Variants in PDE11A observed in about 807,000 individuals in gnomAD.
PDE11A encodes phosphodiesterase 11A.
In PDE11A, 100 loss-of-function variants were observed where a neutral mutation model predicts 100.5. The ratio of observed to expected loss-of-function variants is 1.00; its 90% CI spans 0.85 to 1.18. The LOEUF (loss-of-function observed/expected upper bound fraction) is 1.18, where lower values mean the gene tolerates loss of function less well. PDE11A is among the 50% of genes most tolerant of loss of function. The pLI, the probability that PDE11A is intolerant of heterozygous loss-of-function variation, is 0.00. For missense variants in PDE11A, 1,141 were observed against 1,152.6 expected (o/e 0.99, Z 0.15); for synonymous variants, 381 against 420.8 (o/e 0.91, Z 1.16).
chr2:177,754,631 T>C (rs144829111), intron 10 of PDE11A, among the ~76,000 whole-genome samples: 95 of 152,358 alleles, frequency 6.2e-4, no homozygotes, highest in African/African-American at 2.1e-3. Flanking sequence ...GCAGGCACAG[T>C]ATGCGGTCAG....
chr2:178,072,844 G>C, upstream of PDE11A: 8 of 1,175,390 alleles, frequency 6.8e-6, no homozygotes, highest in Non-Finnish European at 8.5e-6. Flanking sequence ...ACGGAGCCTG[G>C]AGGGAGGAGA....
At chr2:177,795,935 C>CTTTATATA (rs2082699736) in intron 9 of PDE11A, among the ~76,000 whole-genome samples, 1 of 67,244 alleles carries the variant, frequency 1.5e-5, no homozygotes, top group Non-Finnish European at 3.6e-5. Context: ...TTTGTTTAAA[C>CTTTATATA]TATATATATA....
At chr2:177,853,457 C>T (rs1031427980) in intron 5 of PDE11A, among the ~76,000 whole-genome samples, 4 of 150,948 alleles carry the variant, frequency 2.6e-5, no homozygotes, top group African/African-American at 9.8e-5. Flanking sequence ...GCATCATTAT[C>T]AGATTTGGAG....
intron 10 of PDE11A, among the ~76,000 whole-genome samples, chr2:177,742,103 C>T (rs1414590239): frequency 6.6e-6 from 1 of 151,828 alleles, no homozygotes; most frequent in African/African-American, 2.4e-5. Context: ...TATCAGGCTG[C>T]ACAGTCTGCC....
intron 9 of PDE11A, among the ~76,000 whole-genome samples, chr2:177,784,085 A>G (rs948312307): frequency 1.8e-4 from 27 of 151,920 alleles, no homozygotes; most frequent in African/African-American, 5.8e-4. Flanking sequence ...AAGCAGTTAC[A>G]GAAGATGAAA....
chr2:177,961,030 C>G (rs1294074135), intron 2 of PDE11A, among the ~76,000 whole-genome samples: 2 of 152,208 alleles, frequency 1.3e-5, no homozygotes, highest in African/African-American at 4.8e-5. Context: ...GACGGCTTTT[C>G]AGAACCTTCC....
chr2:177,650,393 T>C (rs2080290130), intron 19 of PDE11A, among the ~76,000 whole-genome samples: 2 of 152,226 alleles, frequency 1.3e-5, no homozygotes, highest in Non-Finnish European at 2.9e-5. Flanking sequence ...TTGTCTTTCT[T>C]ATAAACTGAA....
intron 19 of PDE11A, among the ~76,000 whole-genome samples, chr2:177,647,514 A>G (rs970573844): frequency 6.6e-6 from 1 of 152,228 alleles, no homozygotes; most frequent in African/African-American, 2.4e-5. Context: ...GTCCCAAAAG[A>G]GAGTCCTAAC....
chr2:177,858,083 AT>A, intron 5 of PDE11A, among the ~76,000 whole-genome samples: 1 of 152,200 alleles, frequency 6.6e-6, no homozygotes, highest in East Asian at 1.9e-4. Context: ...CTTACACCTT[AT>A]AAAAAATTAA....
At chr2:177,809,014 A>T (rs2082910975) in intron 9 of PDE11A, among the ~76,000 whole-genome samples, 1 of 152,236 alleles carries the variant, frequency 6.6e-6, no homozygotes, top group African/African-American at 2.4e-5. Flanking sequence ...CAGTCACAAA[A>T]GGACAAATAT....
chr2:178,030,811 G>T (rs778693976), intron 1 of PDE11A, among the ~76,000 whole-genome samples: 40 of 152,200 alleles, frequency 2.6e-4, no homozygotes, highest in Non-Finnish European at 5.0e-4. Flanking sequence ...CCAGGAGGTT[G>T]AGGCTGCAGT....
intron 1 of PDE11A, 76 bp downstream of exon 1, chr2:178,071,450 G>A (rs2087127889): frequency 6.3e-7 from 1 of 1,593,404 alleles, no homozygotes; most frequent in Non-Finnish European, 8.6e-7. Flanking sequence ...TGTGTTCCTG[G>A]ATGCCAGATG....
At chr2:177,731,543 G>A (rs898729746) in intron 10 of PDE11A, among the ~76,000 whole-genome samples, 16 of 152,090 alleles carry the variant, frequency 1.1e-4, no homozygotes, top group African/African-American at 3.6e-4. Context: ...CACCCTGCAC[G>A]CCCACCCTCA....
Position 177,711,784 on chromosome 2 carries a change from T to C in PDE11A, c.2138A>G (p.Asn713Ser). ...CHDLDHRGTN[N>S]AFQAKSGSAL... ...GAACACTTACTTAGCTTGGAAGGCA[T>C]TGTTGGTTCCCCTGTGGTCGAGGTC... Residue 713 changes from asparagine (N) to serine (S), a missense_variant, in exon 13 of 20, where the codon AAT (asparagine) becomes AGT (serine). Coordinates refer to ENST00000286063, the MANE Select transcript of PDE11A (RefSeq NM_016953.4). 6.3e-7 allele frequency: 1 copy of C among 1,583,674 alleles called. No individual in the cohort carries two copies. The highest frequency in any genetic ancestry group is 8.7e-7 in the Non-Finnish European group (1 of 1,152,304).
intron 5 of PDE11A, among the ~76,000 whole-genome samples, chr2:177,857,059 G>T (rs1362994567): frequency 6.6e-6 from 1 of 151,872 alleles, no homozygotes; most frequent in East Asian, 1.9e-4. Flanking sequence ...CAACAGCAGA[G>T]ATGTAACTCA....
intron 5 of PDE11A, among the ~76,000 whole-genome samples, chr2:177,868,908 T>C (rs2084076038): frequency 6.6e-6 from 1 of 152,240 alleles, no homozygotes; most frequent in Non-Finnish European, 1.5e-5. Flanking sequence ...TAGAAATTTT[T>C]TCACTGTGCA....
intron 19 of PDE11A, among the ~76,000 whole-genome samples, chr2:177,654,233 G>T (rs571180283): frequency 2.6e-5 from 4 of 152,178 alleles, no homozygotes; most frequent in Non-Finnish European, 5.9e-5. Flanking sequence ...AAAGGATAAT[G>T]TGAAAGTTGG....
chr2:177,736,960 G>C (rs1056812651), intron 10 of PDE11A, among the ~76,000 whole-genome samples: 1 of 152,216 alleles, frequency 6.6e-6, no homozygotes, highest in African/African-American at 2.4e-5. Context: ...CAAGAAAGAG[G>C]CTGGGTGCGG....
At chr2:177,848,334 C>A (rs1378333052) in intron 5 of PDE11A, among the ~76,000 whole-genome samples, 2 of 152,108 alleles carry the variant, frequency 1.3e-5, no homozygotes. Context: ...ATAGTTGACA[C>A]CTGAACTTCA....
Sources: allele counts gnomAD v4.1 joint callset (sites outside exome capture counted in the v4.1 genomes callset), GRCh38; gene constraint gnomAD v4.1.1; transcripts MANE v1.5; gene names NCBI Gene and HGNC (gene_info 2026-07-23, HGNC 2026-07-21).